The following SGCZ variants were observed in gnomAD, a reference collection of about 807,000 sequenced individuals.
SGCZ encodes zeta-sarcoglycan.
A neutral mutation model predicts 41.3 loss-of-function variants in SGCZ; 40 were observed. The ratio of observed to expected loss-of-function variants is 0.97; its 90% CI spans 0.75 to 1.26. The LOEUF (loss-of-function observed/expected upper bound fraction) is 1.26, where lower values mean the gene tolerates loss of function less well. Ranked by LOEUF, SGCZ falls within the 50% of genes most tolerant of loss-of-function variation. The probability of loss-of-function intolerance (pLI) is 0.00; values close to 1 mark genes in which losing one functional copy is unlikely to be tolerated. For synonymous variants in SGCZ, 206 were observed against 137.5 expected, an observed-to-expected ratio of 1.50 and a Z score of -3.49; for missense variants, 552 against 369.8, an observed-to-expected ratio of 1.49 and a Z score of -4.04.
chr8:14,502,608 AAG>A (rs1429592465), intron 2 of SGCZ, among the ~76,000 whole-genome samples: 7 of 140,914 alleles, frequency 5.0e-5, no homozygotes, highest in African/African-American at 1.8e-4. Flanking sequence ...ACAAATTTAC[AAG>A]AAAAAAAACA....
At chr8:14,781,446 C>A (rs907423844) in intron 1 of SGCZ, among the ~76,000 whole-genome samples, 2 of 152,066 alleles carry the variant, frequency 1.3e-5, no homozygotes, top group African/African-American at 4.8e-5. Context: ...CCAGGCTGGT[C>A]TCAAACCCCT....
intron 2 of SGCZ, among the ~76,000 whole-genome samples, chr8:14,490,239 A>T (rs1295786898): frequency 6.6e-6 from 1 of 152,136 alleles, no homozygotes; most frequent in Admixed American, 6.6e-5. Context: ...ATAATATTAG[A>T]TTGAATCTCA....
intron 2 of SGCZ, among the ~76,000 whole-genome samples, chr8:14,386,180 G>A (rs1585436228): frequency 6.6e-6 from 1 of 152,010 alleles, no homozygotes; most frequent in African/African-American, 2.4e-5. Context: ...AAAGTGAAGG[G>A]AGAACATGGA....
chr8:14,490,501 G>C (rs1382204544), intron 2 of SGCZ, among the ~76,000 whole-genome samples: 1 of 152,096 alleles, frequency 6.6e-6, no homozygotes, highest in Non-Finnish European at 1.5e-5. Flanking sequence ...TGCAAAATGA[G>C]GTCTGATTCT....
At chr8:14,891,132 A>G (rs777958807) in intron 1 of SGCZ, among the ~76,000 whole-genome samples, 1 of 152,214 alleles carries the variant, frequency 6.6e-6, no homozygotes, top group Non-Finnish European at 1.5e-5. Context: ...TGTGCAGCCC[A>G]TGGATCAAGG....
intron 1 of SGCZ, among the ~76,000 whole-genome samples, chr8:14,714,778 G>C (rs531690208): frequency 1.8e-4 from 27 of 152,184 alleles, no homozygotes; most frequent in African/African-American, 6.5e-4. Context: ...ATATATTTAA[G>C]AACAATGGAA....
chr8:14,720,813 A>T (rs1809859777), intron 1 of SGCZ, among the ~76,000 whole-genome samples: 1 of 152,216 alleles, frequency 6.6e-6, no homozygotes, highest in African/African-American at 2.4e-5. Flanking sequence ...ATAGCCAAAC[A>T]TCTTGAAAGG....
At chr8:15,112,525 C>A (rs1807107790) in intron 1 of SGCZ, among the ~76,000 whole-genome samples, 1 of 152,194 alleles carries the variant, frequency 6.6e-6, no homozygotes, top group Non-Finnish European at 1.5e-5. Context: ...CCTTATGAAT[C>A]TGAACTCTAG....
At chr8:14,856,646 C>G (rs78482806) in intron 1 of SGCZ, among the ~76,000 whole-genome samples, 3,221 of 152,172 alleles carry the variant, frequency 0.021, 126 homozygotes, top group East Asian at 0.19. Context: ...ATTCCAGTTT[C>G]TACTGATTGT....
At chr8:14,608,862 A>G (rs184411735) in intron 1 of SGCZ, among the ~76,000 whole-genome samples, 353 of 152,308 alleles carry the variant, frequency 2.3e-3, no homozygotes, top group Non-Finnish European at 3.8e-3. Flanking sequence ...ATGACAAAAA[A>G]AAGGTCCAAC....
In SGCZ at chr8:15,204,000, T is replaced by C. The variant is rs565481871; in HGVS notation, c.39+33585A>G. Among the ~76,000 whole-genome samples, 19 of 152,346 alleles carry C rather than the reference T, an allele frequency of 1.2e-4. No homozygotes were observed. In the East Asian group the frequency reaches 3.5e-3, roughly 28 times the overall value. On this transcript the variant is annotated intron_variant, in intron 1 of 7. Coordinates refer to ENST00000382080, the MANE Select transcript of SGCZ (RefSeq NM_139167.4). ...AAACAATAAAACATTTCTCATATTATTGCTTTATCTTTAGACTTATCACAT... is the reference window on the plus strand; with the variant it reads ...AAACAATAAAACATTTCTCATATTACTGCTTTATCTTTAGACTTATCACAT...
chr8:14,975,615 T>C (rs906072690), intron 1 of SGCZ, among the ~76,000 whole-genome samples: 2 of 152,116 alleles, frequency 1.3e-5, no homozygotes, highest in African/African-American at 4.8e-5. Flanking sequence ...ATATGGCATA[T>C]GTGTAGTATG....
At position 14,892,661 on chromosome 8, in the gene SGCZ, T is replaced by C. The variant is rs12677652; in HGVS notation, c.40-337735A>G. On this transcript the variant is annotated intron_variant, in intron 1 of 7. Transcript: ENST00000382080. ...TGCAAGAAAAAATAAGGATTGTTTA[T>C]ACATCAAACTTCCATGGAACTAAGT... Among the ~76,000 whole-genome samples, 132 of 152,280 alleles carry C rather than the reference T, an allele frequency of 8.7e-4. 1 individual carries two copies. The East Asian group carries it at 0.023, about 26-fold the overall frequency.
At position 14,722,728 on chromosome 8, in the gene SGCZ, G is replaced by C. The variant is rs1454606796; in HGVS notation, c.40-167802C>G. On this transcript the variant is annotated intron_variant, in intron 1 of 7. Transcript: ENST00000382080. Reference sequence around the variant, plus strand: ...AAATATCAGAAGGAAATGATGAGGAGAATCAAGGAAACATATGAGGGAAAA... The same window carrying C: ...AAATATCAGAAGGAAATGATGAGGACAATCAAGGAAACATATGAGGGAAAA... 2.0e-5 allele frequency among the ~76,000 whole-genome samples: 3 copies of C among 151,976 alleles called. No individual in the cohort carries two copies. In the East Asian group the frequency reaches 5.8e-4, roughly 29 times the overall value.
At chr8:14,349,330 T>G (rs1182404826) in intron 2 of SGCZ, among the ~76,000 whole-genome samples, 1 of 152,130 alleles carries the variant, frequency 6.6e-6, no homozygotes, top group Non-Finnish European at 1.5e-5. Context: ...TTTAACTCAG[T>G]GAAGAAGACA....
chr8:15,057,179 T>G (rs1804742555), intron 1 of SGCZ, among the ~76,000 whole-genome samples: 1 of 152,210 alleles, frequency 6.6e-6, no homozygotes, highest in Non-Finnish European at 1.5e-5. Flanking sequence ...AGTACAGATG[T>G]TCAAAGGGTG....
intron 1 of SGCZ, among the ~76,000 whole-genome samples, chr8:14,649,080 C>T (rs191189163): frequency 6.6e-5 from 10 of 152,210 alleles, no homozygotes; most frequent in Admixed American, 3.9e-4. Flanking sequence ...CAACTGACTG[C>T]GTGTTTTCAA....
At chr8:14,199,242 G>A (rs1357968000) in intron 4 of SGCZ, among the ~76,000 whole-genome samples, 10 of 152,220 alleles carry the variant, frequency 6.6e-5, no homozygotes, top group South Asian at 4.1e-4. Flanking sequence ...CTGCTTTGGC[G>A]ATGGCTGTCA....
intron 5 of SGCZ, among the ~76,000 whole-genome samples, chr8:14,140,444 CTT>C (rs1803334121): frequency 2.0e-5 from 3 of 152,122 alleles, no homozygotes; most frequent in Non-Finnish European, 4.4e-5. Context: ...CCAAAATCTC[CTT>C]AAGCTGATAA....
Sources: allele counts gnomAD v4.1 joint callset (sites outside exome capture counted in the v4.1 genomes callset), GRCh38; gene constraint gnomAD v4.1.1; transcripts MANE v1.5; gene names NCBI Gene and HGNC (gene_info 2026-07-23, HGNC 2026-07-21).